KIF6: variants seen among roughly 807,000 people sequenced by gnomAD.
The protein encoded by KIF6 is kinesin-like protein KIF6.
KIF6 carries 106 observed loss-of-function variants against 112.7 expected under a neutral mutation model. The observed-to-expected ratio is 0.94, with a 90% confidence interval of 0.80 to 1.11. The LOEUF is 1.11. KIF6 is among the 50% of genes least tolerant of loss of function. The pLI is 0.00. For missense variants in KIF6, 929 were observed against 964.0 expected, an observed-to-expected ratio of 0.96 and a Z score of 0.48; for synonymous variants, 339 against 339.9, an observed-to-expected ratio of 1.00 and a Z score of 0.03.
chr6:39,462,160 T>C (rs1179016756), intron 13 of KIF6, among the ~76,000 whole-genome samples: 1 of 152,142 alleles, frequency 6.6e-6, no homozygotes, highest in African/African-American at 2.4e-5. Context: ...GTGTGATACA[T>C]TTACTTTATG....
intron 3 of KIF6, among the ~76,000 whole-genome samples, chr6:39,651,165 C>A (rs1785448156): frequency 6.6e-6 from 1 of 152,124 alleles, no homozygotes; most frequent in Non-Finnish European, 1.5e-5. Flanking sequence ...ATTAGAGAGG[C>A]CAAGTGAGAA....
At chr6:39,538,716 G>A (rs1308150134) in intron 13 of KIF6, among the ~76,000 whole-genome samples, 2 of 149,784 alleles carry the variant, frequency 1.3e-5, no homozygotes, top group African/African-American at 2.5e-5. Context: ...CCCATTATTG[G>A]GTATATACCC....
At chr6:39,372,280 A>G (rs950801071) in intron 16 of KIF6, among the ~76,000 whole-genome samples, 1 of 152,172 alleles carries the variant, frequency 6.6e-6, no homozygotes, top group African/African-American at 2.4e-5. Flanking sequence ...AGAACAACAA[A>G]AAAGTAACCT....
At chr6:39,695,567 A>C (rs1788484771) in intron 3 of KIF6, among the ~76,000 whole-genome samples, 1 of 152,202 alleles carries the variant, frequency 6.6e-6, no homozygotes, top group Non-Finnish European at 1.5e-5. Flanking sequence ...ATTACTAATC[A>C]TCAGAGTGAT....
At chr6:39,554,548 A>C (rs1582122639) in intron 10 of KIF6, 1 of 153,078 alleles carries the variant, frequency 6.5e-6, no homozygotes. Context: ...CTTACCTCTG[A>C]CCCTGACAGC....
At chr6:39,345,994 C>T (rs1276888131) in intron 20 of KIF6, among the ~76,000 whole-genome samples, 1 of 144,034 alleles carries the variant, frequency 6.9e-6, no homozygotes. Context: ...GGGTAGGGCC[C>T]CTGCACTGGG....
At chr6:39,413,506 A>G (rs1451928792) in intron 15 of KIF6, among the ~76,000 whole-genome samples, 1 of 152,130 alleles carries the variant, frequency 6.6e-6, no homozygotes, top group Non-Finnish European at 1.5e-5. Context: ...TCCCCTGGCT[A>G]TAGGGATTGG....
At position 39,592,242 on chromosome 6, in the gene KIF6, A is replaced by G. The variant is rs182743937; in HGVS notation, c.846+3812T>C. 7.2e-5 allele frequency among the ~76,000 whole-genome samples: 11 copies of G among 152,350 alleles called. No homozygotes were observed. The East Asian group carries it at 1.3e-3, about 19-fold the overall frequency. ...TAACTGACAAGGAGTAGAACCTCAC[A>G]TTATGCTTAATAATATCTCCAAGTA... is the stretch of plus-strand genomic sequence containing the variant. On this transcript the variant is annotated intron_variant, in intron 7 of 22. Transcript: ENST00000287152.
intron 5 of KIF6, among the ~76,000 whole-genome samples, chr6:39,628,048 T>G (rs563832388): frequency 6.6e-6 from 1 of 152,290 alleles, no homozygotes; most frequent in Non-Finnish European, 1.5e-5. Context: ...ACTTTTTAAA[T>G]TAAACCTTTT....
chr6:39,495,505 G>C (rs779939181), intron 13 of KIF6, among the ~76,000 whole-genome samples: 5 of 152,138 alleles, frequency 3.3e-5, no homozygotes, highest in Non-Finnish European at 5.9e-5. Flanking sequence ...TTCCCCAGGG[G>C]CCACCTCTTG....
chr6:39,404,088 G>C (rs1005337582), intron 15 of KIF6, among the ~76,000 whole-genome samples: 8 of 152,046 alleles, frequency 5.3e-5, no homozygotes, highest in African/African-American at 1.7e-4. Flanking sequence ...TGTGAGATAT[G>C]ATATCTGAAA....
At chr6:39,669,571 G>A (rs776854855) in intron 3 of KIF6, among the ~76,000 whole-genome samples, 4 of 152,046 alleles carry the variant, frequency 2.6e-5, no homozygotes, top group Admixed American at 6.6e-5. Flanking sequence ...TTCATAGCCC[G>A]CTACTTTAAA....
chr6:39,650,714 A>G (rs958759827), intron 3 of KIF6, among the ~76,000 whole-genome samples: 8 of 152,074 alleles, frequency 5.3e-5, no homozygotes, highest in Non-Finnish European at 1.0e-4. Flanking sequence ...TTATACAACA[A>G]TGTGGGAGAA....
At chr6:39,622,167 CAAA>C (rs35199120) in intron 5 of KIF6, among the ~76,000 whole-genome samples, 2 of 121,806 alleles carry the variant, frequency 1.6e-5, no homozygotes, top group African/African-American at 2.9e-5. Flanking sequence ...AAATCCAGCT[CAAA>C]AAAAAAAAAA....
chr6:39,484,504 A>G (rs931805636), intron 13 of KIF6, among the ~76,000 whole-genome samples: 1 of 152,182 alleles, frequency 6.6e-6, no homozygotes, highest in Non-Finnish European at 1.5e-5. Flanking sequence ...ATGGAGTCCT[A>G]TGGAGCAGGA....
chr6:39,505,396 C>T (rs1235186812), intron 13 of KIF6, among the ~76,000 whole-genome samples: 1 of 152,146 alleles, frequency 6.6e-6, no homozygotes, highest in African/African-American at 2.4e-5. Flanking sequence ...ACTATAAAAA[C>T]CCTATAAGAA....
At chr6:39,675,816 A>G (rs1192566712) in intron 3 of KIF6, among the ~76,000 whole-genome samples, 2 of 152,126 alleles carry the variant, frequency 1.3e-5, no homozygotes, top group African/African-American at 4.8e-5. Context: ...AAAAATGAAG[A>G]TATCACCATT....
At chr6:39,499,499 C>T (rs1484474950) in intron 13 of KIF6, among the ~76,000 whole-genome samples, 1 of 152,092 alleles carries the variant, frequency 6.6e-6, no homozygotes, top group African/African-American at 2.4e-5. Context: ...TATGGCATAT[C>T]TGATTTACTT....
intron 4 of KIF6, among the ~76,000 whole-genome samples, chr6:39,637,833 T>C (rs1784704693): frequency 6.6e-6 from 1 of 152,016 alleles, no homozygotes; most frequent in Non-Finnish European, 1.5e-5. Context: ...TGGCTTTAAA[T>C]TGCTCCAATG....
Sources: gnomAD v4.1 joint callset for allele counts (sites outside exome capture counted in the v4.1 genomes callset) on GRCh38, gnomAD v4.1.1 for gene constraint, MANE v1.5 for transcripts, NCBI Gene and HGNC (gene_info 2026-07-23, HGNC 2026-07-21) for gene names.